ERBB4: variants seen among roughly 807,000 people sequenced by gnomAD.
The protein encoded by ERBB4 is receptor tyrosine-protein kinase erbB-4.
ERBB4 carries 42 observed loss-of-function variants against 158.0 expected under a neutral mutation model. The ratio of observed to expected loss-of-function variants is 0.27; its 90% CI spans 0.21 to 0.34. The LOEUF (loss-of-function observed/expected upper bound fraction) is 0.34. ERBB4 is among the 10% of genes least tolerant of loss of function. The pLI is 1.00. For synonymous variants in ERBB4, 583 were observed against 558.7 expected, an observed-to-expected ratio of 1.04 and a Z score of -0.61; for missense variants, 1,333 against 1,624.1, an observed-to-expected ratio of 0.82 and a Z score of 3.08.
At chr2:211,599,343 C>A (rs918905920) in intron 19 of ERBB4, among the ~76,000 whole-genome samples, 1 of 152,090 alleles carries the variant, frequency 6.6e-6, no homozygotes, top group South Asian at 2.1e-4. Context: ...TCAAAGAAAT[C>A]TCTGAATGGA....
At chr2:212,041,676 A>C (rs1251473127) in intron 2 of ERBB4, among the ~76,000 whole-genome samples, 1 of 152,050 alleles carries the variant, frequency 6.6e-6, no homozygotes, top group Non-Finnish European at 1.5e-5. Flanking sequence ...AATTATGAAA[A>C]AGGGAAGCAG....
At chr2:211,665,115 T>C (rs971296972) in intron 15 of ERBB4, among the ~76,000 whole-genome samples, 5 of 152,230 alleles carry the variant, frequency 3.3e-5, no homozygotes, top group Non-Finnish European at 7.3e-5. Flanking sequence ...AGAATGGTTA[T>C]AGGTAAAATC....
intron 4 of ERBB4, among the ~76,000 whole-genome samples, chr2:211,786,523 T>C (rs1372200773): frequency 6.6e-6 from 1 of 152,202 alleles, no homozygotes; most frequent in Non-Finnish European, 1.5e-5. Context: ...AGTTGCCTAA[T>C]TATAGGCACA....
intron 1 of ERBB4, among the ~76,000 whole-genome samples, chr2:212,208,756 C>T (rs2082841910): frequency 6.6e-6 from 1 of 152,108 alleles, no homozygotes; most frequent in Non-Finnish European, 1.5e-5. Context: ...TTAAACAATC[C>T]TGTAACACTT....
intron 1 of ERBB4, among the ~76,000 whole-genome samples, chr2:212,301,938 G>A (rs1036837863): frequency 6.6e-6 from 1 of 151,308 alleles, no homozygotes; most frequent in Non-Finnish European, 1.5e-5. Context: ...GAAATGCAAC[G>A]CTATTGAGAA....
At chr2:211,856,935 T>A (rs978180844) in intron 3 of ERBB4, among the ~76,000 whole-genome samples, 1 of 152,210 alleles carries the variant, frequency 6.6e-6, no homozygotes, top group Admixed American at 6.5e-5. Context: ...AGATCTTTAG[T>A]AAATCTCAGA....
intron 3 of ERBB4, among the ~76,000 whole-genome samples, chr2:211,815,402 G>A (rs1252306184): frequency 2.0e-5 from 3 of 152,064 alleles, no homozygotes; most frequent in Non-Finnish European, 4.4e-5. Context: ...TTCTTGTTTT[G>A]TCAAAAAATT....
chr2:212,023,887 G>T (rs2076714048), intron 2 of ERBB4, among the ~76,000 whole-genome samples: 1 of 150,102 alleles, frequency 6.7e-6, no homozygotes, highest in Non-Finnish European at 1.5e-5. Flanking sequence ...GGACAAAATA[G>T]AAAATATACA....
At chr2:211,918,293 G>A (rs2079756619) in intron 3 of ERBB4, among the ~76,000 whole-genome samples, 1 of 152,076 alleles carries the variant, frequency 6.6e-6, no homozygotes, top group Non-Finnish European at 1.5e-5. Context: ...GAGGAAATGG[G>A]CAAGGAACTA....
intron 2 of ERBB4, among the ~76,000 whole-genome samples, chr2:212,033,976 C>T (rs1375977741): frequency 6.6e-6 from 1 of 151,798 alleles, no homozygotes; most frequent in African/African-American, 2.4e-5. Flanking sequence ...ATTATGCTTC[C>T]TCATTTAACT....
At chr2:211,830,122 C>A (rs950081473) in intron 3 of ERBB4, among the ~76,000 whole-genome samples, 8 of 152,158 alleles carry the variant, frequency 5.3e-5, no homozygotes, top group African/African-American at 1.7e-4. Context: ...TACTTATCCA[C>A]CCCCATATCC....
At chr2:211,716,660 A>G (rs1213529581) in intron 7 of ERBB4, among the ~76,000 whole-genome samples, 1 of 152,022 alleles carries the variant, frequency 6.6e-6, no homozygotes, top group African/African-American at 2.4e-5. Context: ...TGGGCGACAG[A>G]GCGAGACTCC....
Position 212,381,023 on chromosome 2 carries a change from A to G in ERBB4, c.82+157426T>C, listed in dbSNP as rs528703588. 2.0e-5 allele frequency among the ~76,000 whole-genome samples: 3 copies of G among 151,456 alleles called. No individual in the cohort carries two copies. In the East Asian group the frequency reaches 5.8e-4, roughly 29 times the overall value. On this transcript the variant is annotated intron_variant, in intron 1 of 27. Transcript: ENST00000342788. The stretch of plus-strand genomic sequence containing the variant: ...TCAAGTAAAATGATTGTTTTTCCAT[A>G]ATTTAGAAAACAATAGTATCTTCAC...
intron 1 of ERBB4, among the ~76,000 whole-genome samples, chr2:212,315,974 C>T (rs1291931717): frequency 6.6e-6 from 1 of 151,334 alleles, no homozygotes; most frequent in East Asian, 2.0e-4. Context: ...AGATATATCT[C>T]ACCAAATATA....
At chr2:211,848,146 A>G (rs2106023066) in intron 3 of ERBB4, among the ~76,000 whole-genome samples, 1 of 152,166 alleles carries the variant, frequency 6.6e-6, no homozygotes, top group South Asian at 2.1e-4. Context: ...TTTGAAGCAT[A>G]CAGTTTAAAA....
At chr2:211,943,760 C>A (rs1462110947) in intron 3 of ERBB4, among the ~76,000 whole-genome samples, 2 of 151,906 alleles carry the variant, frequency 1.3e-5, no homozygotes. Flanking sequence ...GGTTTAAATC[C>A]ATTTATTGTC....
chr2:212,346,101 T>C (rs1402545960), intron 1 of ERBB4, among the ~76,000 whole-genome samples: 2 of 152,132 alleles, frequency 1.3e-5, no homozygotes, highest in Non-Finnish European at 2.9e-5. Context: ...TAACTTCCAT[T>C]TTAGAAACAC....
chr2:212,193,283 C>T (rs2082328640), intron 1 of ERBB4, among the ~76,000 whole-genome samples: 1 of 152,058 alleles, frequency 6.6e-6, no homozygotes, highest in Non-Finnish European at 1.5e-5. Context: ...TCCATTTCAG[C>T]AGAAATTTTA....
chr2:212,284,294 A>G (rs888995236), intron 1 of ERBB4, among the ~76,000 whole-genome samples: 6 of 151,846 alleles, frequency 4.0e-5, no homozygotes, highest in African/African-American at 1.5e-4. Flanking sequence ...TTCTTTGTTG[A>G]TACTATTTAC....
Sources: gnomAD v4.1 joint callset for allele counts (sites outside exome capture counted in the v4.1 genomes callset) on GRCh38, gnomAD v4.1.1 for gene constraint, MANE v1.5 for transcripts, NCBI Gene and HGNC (gene_info 2026-07-23, HGNC 2026-07-21) for gene names.